The following MAGI2 variants were observed in gnomAD, a reference collection of about 807,000 sequenced individuals.
MAGI2 encodes membrane-associated guanylate kinase, WW and PDZ domain-containing protein 2.
Under a neutral mutation model 133.3 loss-of-function variants are expected in MAGI2, and 35 were observed. The observed-to-expected ratio is 0.26, with a 90% CI of 0.20 to 0.35. The LOEUF is 0.35. MAGI2 is among the 10% of genes least tolerant of loss of function. MAGI2 has a pLI of 1.00. For missense variants in MAGI2, 1,636 were observed against 1,863.4 expected, an observed-to-expected ratio of 0.88 and a Z score of 2.25; for synonymous variants, 729 against 710.6, an observed-to-expected ratio of 1.03 and a Z score of -0.41.
In MAGI2 at chr7:78,823,909, T is replaced by TCACA. The variant is rs151269215; in HGVS notation, c.418+183177_418+183180dup. ...TCATTATCTTCTCTTGGATTTCACA[T>TCACA]CACACACACACACACACACACACAC... On this transcript the variant is annotated intron_variant, in intron 2 of 21. Coordinates refer to ENST00000354212, the MANE Select transcript of MAGI2 (RefSeq NM_012301.4). Among the ~76,000 whole-genome samples, 1,452 of 148,134 alleles carry TCACA rather than the reference T, an allele frequency of 9.8e-3. 42 individuals carry two copies. The highest frequency in any genetic ancestry group is 0.053 in the Admixed American group (789 of 14,788).
At chr7:79,365,982 C>A (rs1842684227) in intron 1 of MAGI2, among the ~76,000 whole-genome samples, 1 of 150,560 alleles carries the variant, frequency 6.6e-6, no homozygotes, top group African/African-American at 2.4e-5. Flanking sequence ...ATGGCTCAGG[C>A]CTTAATCTCA....
rs183393318 is a variant in MAGI2 at position 78,950,936 on chromosome 7, A to C, written c.418+56154T>G. 1.1e-4 allele frequency among the ~76,000 whole-genome samples: 16 copies of C among 150,268 alleles called. No homozygotes were observed. The East Asian group carries it at 3.1e-3, about 29-fold the overall frequency. ...CTATTCTTAGAATAAGATGCTTGCC[A>C]CTGAGTCTTTGTCTCTCCCACCCTA... is the stretch of plus-strand genomic sequence containing the variant. On this transcript the variant is annotated intron_variant, in intron 2 of 21. Transcript: ENST00000354212.
intron 9 of MAGI2, among the ~76,000 whole-genome samples, chr7:78,263,845 T>A (rs1793745647): frequency 6.6e-6 from 1 of 152,154 alleles, no homozygotes; most frequent in Non-Finnish European, 1.5e-5. Flanking sequence ...TTTCATTGTC[T>A]CCTGCTTTTT....
chr7:79,118,832 C>T (rs987107704), intron 1 of MAGI2, among the ~76,000 whole-genome samples: 2 of 152,066 alleles, frequency 1.3e-5, no homozygotes, highest in African/African-American at 4.8e-5. Flanking sequence ...GATATCATTG[C>T]TTCTTTATAT....
At chr7:78,870,346 C>A in intron 2 of MAGI2, among the ~76,000 whole-genome samples, 1 of 125,258 alleles carries the variant, frequency 8.0e-6, no homozygotes, top group Non-Finnish European at 1.8e-5. Flanking sequence ...AAAGTGAGAC[C>A]CTGTCTCAGA....
intron 5 of MAGI2, among the ~76,000 whole-genome samples, chr7:78,500,448 T>C (rs1396265230): frequency 2.0e-5 from 3 of 152,232 alleles, no homozygotes; most frequent in Non-Finnish European, 4.4e-5. Context: ...GTTTTTACTC[T>C]TACTAATGAA....
At chr7:79,108,304 G>A (rs1212630014) in intron 1 of MAGI2, among the ~76,000 whole-genome samples, 3 of 152,186 alleles carry the variant, frequency 2.0e-5, no homozygotes, top group African/African-American at 7.2e-5. Context: ...TTTTGGAATG[G>A]TATCAATGTC....
rs77344457 is a variant in MAGI2 at position 78,181,089 on chromosome 7, C to G, written c.2312-2987G>C. Among the ~76,000 whole-genome samples the G allele has an allele frequency of 4.5e-3, 678 of 152,068 alleles. 3 individuals are homozygous for G. The highest frequency in any genetic ancestry group is 0.015 in the African/African-American group (631 of 41,478). On this transcript the variant is annotated intron_variant, in intron 13 of 21. Coordinates refer to ENST00000354212, the MANE Select transcript of MAGI2 (RefSeq NM_012301.4). ...CTTTTTCCTTCCTGCTTTGTTAGCTCTCTTCGCAGATTGTGATGTTTCTGA... is the reference window on the plus strand; with the variant it reads ...CTTTTTCCTTCCTGCTTTGTTAGCTGTCTTCGCAGATTGTGATGTTTCTGA...
chr7:78,657,777 C>T (rs575755872), intron 2 of MAGI2, among the ~76,000 whole-genome samples: 15 of 152,212 alleles, frequency 9.9e-5, no homozygotes, highest in African/African-American at 3.1e-4. Context: ...GAATATACAA[C>T]ACCAAGAGAG....
chr7:78,848,010 T>TA (rs1792775526), intron 2 of MAGI2, among the ~76,000 whole-genome samples: 1 of 151,912 alleles, frequency 6.6e-6, no homozygotes. Flanking sequence ...TATCAAGCAC[T>TA]AAAAATGATG....
intron 1 of MAGI2, among the ~76,000 whole-genome samples, chr7:79,289,981 AT>A (rs1195231540): frequency 1.3e-5 from 2 of 152,024 alleles, no homozygotes; most frequent in East Asian, 1.9e-4. Context: ...AGCTCTTCCC[AT>A]TTTTTAAAGT....
intron 3 of MAGI2, among the ~76,000 whole-genome samples, chr7:78,521,963 T>C (rs569740004): frequency 6.6e-6 from 1 of 152,334 alleles, no homozygotes; most frequent in East Asian, 1.9e-4. Context: ...TATCCGAATT[T>C]TTTATAACAA....
At chr7:78,167,874 C>A (rs1352083377) in intron 15 of MAGI2, 42 bp downstream of exon 15, 1 of 1,570,054 alleles carries the variant, frequency 6.4e-7, no homozygotes, top group Non-Finnish European at 8.7e-7. Context: ...AAGCATCTTA[C>A]CACCTAACCC....
At chr7:78,925,988 T>C (rs117166156) in intron 2 of MAGI2, among the ~76,000 whole-genome samples, 1,636 of 152,090 alleles carry the variant, frequency 0.011, 23 homozygotes, top group African/African-American at 0.031. Flanking sequence ...CTAGTCACTG[T>C]TTTTGACTAA....
At chr7:78,472,546 T>C (rs1232764095) in intron 6 of MAGI2, among the ~76,000 whole-genome samples, 2 of 152,104 alleles carry the variant, frequency 1.3e-5, no homozygotes, top group Non-Finnish European at 2.9e-5. Context: ...GCTAAGCATT[T>C]AATAAGTTGA....
At chr7:79,161,181 T>C (rs1824316533) in intron 1 of MAGI2, among the ~76,000 whole-genome samples, 1 of 152,098 alleles carries the variant, frequency 6.6e-6, no homozygotes, top group African/African-American at 2.4e-5. Context: ...GTAATGCATC[T>C]GACTGGGGAT....
intron 15 of MAGI2, among the ~76,000 whole-genome samples, chr7:78,166,401 C>T (rs977140315): frequency 2.0e-5 from 3 of 152,088 alleles, no homozygotes; most frequent in African/African-American, 7.3e-5. Context: ...AAATGTTAAC[C>T]AAGCAAGCAC....
At chr7:78,948,102 G>A (rs1342086974) in intron 2 of MAGI2, among the ~76,000 whole-genome samples, 1 of 151,958 alleles carries the variant, frequency 6.6e-6, no homozygotes, top group African/African-American at 2.4e-5. Context: ...GATTTATGTA[G>A]GGCCAGACCA....
chr7:78,698,817 C>T (rs545905099), intron 2 of MAGI2, among the ~76,000 whole-genome samples: 31 of 152,156 alleles, frequency 2.0e-4, no homozygotes, highest in African/African-American at 6.7e-4. Flanking sequence ...CATCAGATCT[C>T]GTGAGAACTC....
Sources: gnomAD v4.1 joint callset for allele counts (sites outside exome capture counted in the v4.1 genomes callset) on GRCh38, gnomAD v4.1.1 for gene constraint, MANE v1.5 for transcripts, NCBI Gene and HGNC (gene_info 2026-07-23, HGNC 2026-07-21) for gene names.